The following DNAH3 variants were observed in gnomAD, a reference collection of about 807,000 sequenced individuals.
DNAH3 encodes the protein axonemal beta dynein heavy chain 3.
Under a neutral mutation model 432.5 loss-of-function variants are expected in DNAH3, and 332 were observed. That is an observed-to-expected ratio of 0.77 (90% CI 0.70 to 0.84). The LOEUF is 0.84. Among genes scored for constraint, DNAH3 ranks in the 40% least tolerant of loss-of-function variants. DNAH3 has a pLI of 0.00. For missense variants in DNAH3, 4,861 were observed against 5,114.0 expected (o/e 0.95, Z 1.51); for synonymous variants, 1,956 against 1,900.2 (o/e 1.03, Z -0.76).
chr16:21,131,847 T>C (rs937930941), intron 7 of DNAH3, among the ~76,000 whole-genome samples: 3 of 82,364 alleles, frequency 3.6e-5, no homozygotes, highest in South Asian at 3.8e-4. Flanking sequence ...AGAGTGAAAC[T>C]CCATCTCAAA....
At chr16:21,102,421 T>G (rs889584479) in intron 16 of DNAH3, among the ~76,000 whole-genome samples, 3 of 152,132 alleles carry the variant, frequency 2.0e-5, no homozygotes, top group African/African-American at 7.2e-5. Context: ...TTGAGAAGCG[T>G]TTTTCTCCCC....
chr16:20,961,465 G>A (rs1183807049), intron 53 of DNAH3, among the ~76,000 whole-genome samples: 1 of 151,710 alleles, frequency 6.6e-6, no homozygotes, highest in Non-Finnish European at 1.5e-5. Flanking sequence ...TGCACGTTGT[G>A]CACATGTACC....
At chr16:20,965,478 T>C (rs1052809333) in intron 52 of DNAH3, 53 bp from the exon 53 acceptor site, 23 of 1,427,314 alleles carry the variant, frequency 1.6e-5, no homozygotes, top group Non-Finnish European at 2.0e-5. Context: ...GGCCAAGACT[T>C]AAAATTCTGC....
At chr16:21,000,101 G>T in intron 43 of DNAH3, 123 bp downstream of exon 43, 1 of 1,013,132 alleles carries the variant, frequency 9.9e-7, no homozygotes, top group Non-Finnish European at 1.4e-6. Context: ...ATATTAACTG[G>T]AAATATTTGA....
Position 21,056,582 on chromosome 16 carries a change from G to A in DNAH3, c.3924+1504C>T, listed in dbSNP as rs150714555. Among the ~76,000 whole-genome samples the A allele has an allele frequency of 5.7e-3, 870 of 152,178 alleles. 5 individuals are homozygous for A. The highest frequency in any genetic ancestry group is 9.0e-3 in the Non-Finnish European group (610 of 68,020). On this transcript the variant is annotated intron_variant, in intron 27 of 61. Coordinates refer to ENST00000261383, the Ensembl canonical transcript of DNAH3. ...GTCTCATTCACATCTAATTACCTTCGTTAGCAGCAGTACCAGCACAGAGCA... is the reference window on the plus strand; with the variant it reads ...GTCTCATTCACATCTAATTACCTTCATTAGCAGCAGTACCAGCACAGAGCA...
chr16:20,997,174 C>T, intron 44 of DNAH3, 109 bp downstream of exon 44: 1 of 1,052,010 alleles, frequency 9.5e-7, no homozygotes, highest in Non-Finnish European at 1.4e-6. Context: ...ATGCTCCTGC[C>T]ACGTGGTTTG....
Position 21,111,747 on chromosome 16 carries a change from G to C in DNAH3, c.1978C>G (p.Pro660Ala), listed in dbSNP as rs549501940. 5.0e-5 allele frequency: 81 copies of C among 1,613,968 alleles called. 3 individuals are homozygous for C. The South Asian group carries it at 8.5e-4, about 17-fold the overall frequency. The change falls in exon 14 of 62, where the codon CCT becomes GCT. Residue 660 changes from proline (P) to alanine (A), a missense_variant. Physicochemically the swap from Pro to Ala is conservative, Grantham distance 27. Transcript: ENST00000261383. ...GCATCAAGGCAGAACATGGCTAAAG[G>C]CACGGTGATGTTCATGGATGCAATT... is the stretch of plus-strand genomic sequence containing the variant.
chr16:21,153,641 A>G (rs1227173820), intron 1 of DNAH3, among the ~76,000 whole-genome samples: 1 of 152,178 alleles, frequency 6.6e-6, no homozygotes, highest in Non-Finnish European at 1.5e-5. Context: ...CTCACGGTGA[A>G]GGTCTGCAGC....
rs967475829 is a variant in DNAH3, at chr16:20,984,562, C to T, written c.7665+515G>A. Among the ~76,000 whole-genome samples the T allele has an allele frequency of 7.2e-5, 11 of 152,106 alleles. No homozygotes were observed. The East Asian group carries it at 1.5e-3, about 21-fold the overall frequency. On this transcript the variant is annotated intron_variant, in intron 48 of 61. Transcript: ENST00000261383. Reference sequence around the variant, plus strand: ...AGAGGAGAATTCAGGAAATTGAAGACGGGGGACAGGTTTGAAATTATTCAG... The same window carrying T: ...AGAGGAGAATTCAGGAAATTGAAGATGGGGGACAGGTTTGAAATTATTCAG...
At chr16:21,157,649 A>G (rs988276076) in intron 1 of DNAH3, among the ~76,000 whole-genome samples, 7 of 151,996 alleles carry the variant, frequency 4.6e-5, no homozygotes, top group Non-Finnish European at 8.8e-5. Context: ...TTATCTAAAG[A>G]CTTATTTTCC....
chr16:20,990,125 C>G lies in DNAH3; in HGVS notation c.6602-2060G>C, dbSNP rs907343658. 3.9e-5 allele frequency among the ~76,000 whole-genome samples: 6 copies of G among 152,226 alleles called. No homozygotes were observed. In the East Asian group the frequency reaches 7.7e-4, roughly 20 times the overall value. On this transcript the variant is annotated intron_variant, in intron 44 of 61. Coordinates refer to ENST00000261383, the Ensembl canonical transcript of DNAH3. ...GTGGGCTGAAGGGCTCCTCAAGTGC[C>G]GCCAAAGTGGGAGCCCAGGCAGAGG...
intron 3 of DNAH3, among the ~76,000 whole-genome samples, chr16:21,142,183 G>A (rs2092727966): frequency 6.6e-6 from 1 of 152,004 alleles, no homozygotes; most frequent in Admixed American, 6.6e-5. Flanking sequence ...TGACCAACAT[G>A]GTGAAATCCC....
At chr16:21,033,685 C>T (rs2089010513) in intron 36 of DNAH3, among the ~76,000 whole-genome samples, 2 of 152,202 alleles carry the variant, frequency 1.3e-5, no homozygotes, top group South Asian at 4.1e-4. Flanking sequence ...AGGCCAATGA[C>T]AAGAGTTTCT....
intron 45 of DNAH3, 43 bp from the exon 46 acceptor site, chr16:20,987,892 A>G (rs1447374530): frequency 8.1e-6 from 13 of 1,614,054 alleles, no homozygotes; most frequent in Non-Finnish European, 1.1e-5. Context: ...GAGGGGCCAG[A>G]AACTGAGAAC....
exon 13 of DNAH3, chr16:21,111,994 G>A (rs77634238): frequency 0.021 from 33,887 of 1,612,042 alleles, 437 homozygotes; most frequent in Middle Eastern, 0.035. Flanking sequence ...ATTTCCTACC[G>A]TCACAAAATC....
exon 19 of DNAH3, chr16:21,086,939 A>G (rs756536591): frequency 1.2e-6 from 2 of 1,614,162 alleles, no homozygotes; most frequent in Non-Finnish European, 1.7e-6. Context: ...TGATCTTCAC[A>G]TTCTCTGCTA....
At chr16:21,145,089 G>C in intron 3 of DNAH3, 92 bp downstream of exon 4, 1 of 1,148,284 alleles carries the variant, frequency 8.7e-7, no homozygotes, top group Non-Finnish European at 1.2e-6. Flanking sequence ...TCCAGCCTGG[G>C]CGACAGAGTG....
chr16:21,068,844 A>C (rs946107129), intron 23 of DNAH3, among the ~76,000 whole-genome samples: 1 of 152,204 alleles, frequency 6.6e-6, no homozygotes, highest in East Asian at 1.9e-4. Flanking sequence ...TAAATAATAC[A>C]AACTGCCTAT....
At chr16:21,080,157 C>T (rs1370781768) in intron 20 of DNAH3, among the ~76,000 whole-genome samples, 3 of 152,156 alleles carry the variant, frequency 2.0e-5, no homozygotes, top group Admixed American at 1.3e-4. Context: ...ATTAGCCAGG[C>T]ATGGTGGCGG....
Sources: allele counts gnomAD v4.1 joint callset (sites outside exome capture counted in the v4.1 genomes callset), GRCh38; gene constraint gnomAD v4.1.1; transcripts MANE v1.5; gene names NCBI Gene and HGNC (gene_info 2026-07-23, HGNC 2026-07-21).